SGCZ: variants seen among roughly 807,000 people sequenced by gnomAD.
The protein encoded by SGCZ is zeta-sarcoglycan.
Under a neutral mutation model 41.3 loss-of-function variants are expected in SGCZ, and 40 were observed. The ratio of observed to expected loss-of-function variants is 0.97; its 90% CI spans 0.75 to 1.26. The LOEUF is 1.26. Among genes scored for constraint, SGCZ ranks in the 50% most tolerant of loss-of-function variants. The probability of loss-of-function intolerance (pLI) is 0.00; values close to 1 mark genes in which losing one functional copy is unlikely to be tolerated. For missense variants in SGCZ, 552 were observed against 369.8 expected (o/e 1.49, Z -4.04); for synonymous variants, 206 against 137.5 (o/e 1.50, Z -3.49).
chr8:14,596,776 A>G lies in SGCZ; in HGVS notation c.40-41850T>C, dbSNP rs182187175. On this transcript the variant is annotated intron_variant, in intron 1 of 7. Coordinates refer to ENST00000382080, the MANE Select transcript of SGCZ (RefSeq NM_139167.4). ...CAGGTGCAGCAAACCACCATGGCAC[A>G]TGTATACCTATGTAACAAACCTGCA... Among the ~76,000 whole-genome samples the G allele has an allele frequency of 1.5e-4, 23 of 152,320 alleles. No individual in the cohort carries two copies. In the East Asian group the frequency reaches 4.2e-3, roughly 28 times the overall value.
At position 14,578,932 on chromosome 8, in the gene SGCZ, C is replaced by A. The variant is rs146935613; in HGVS notation, c.40-24006G>T. The stretch of plus-strand genomic sequence containing the variant: ...TTGTATGGATCACTCTTTTCCTACT[C>A]TTCTGTCGTTTACTTTAGGATCTAG... On this transcript the variant is annotated intron_variant, in intron 1 of 7. Coordinates refer to ENST00000382080, the MANE Select transcript of SGCZ (RefSeq NM_139167.4). Among the ~76,000 whole-genome samples, 423 of 152,172 alleles carry A rather than the reference C, an allele frequency of 2.8e-3. 3 individuals are homozygous for A. The highest frequency in any genetic ancestry group is 9.8e-3 in the African/African-American group (408 of 41,530).
intron 2 of SGCZ, among the ~76,000 whole-genome samples, chr8:14,325,091 G>C (rs1244711620): frequency 6.6e-6 from 1 of 152,130 alleles, no homozygotes; most frequent in Non-Finnish European, 1.5e-5. Flanking sequence ...ATGTACTTAA[G>C]TCAGATTCCA....
At chr8:14,495,099 G>T (rs77378117) in intron 2 of SGCZ, among the ~76,000 whole-genome samples, 1 of 152,044 alleles carries the variant, frequency 6.6e-6, no homozygotes, top group Non-Finnish European at 1.5e-5. Flanking sequence ...GGATTGTTTC[G>T]TACCTCTCAA....
chr8:14,139,371 C>CA (rs1189957310), intron 5 of SGCZ, among the ~76,000 whole-genome samples: 6 of 150,986 alleles, frequency 4.0e-5, no homozygotes, highest in Non-Finnish European at 7.4e-5. Context: ...GATAGACACA[C>CA]AAAAAACCCT....
chr8:14,928,824 T>C (rs530739576), intron 1 of SGCZ, among the ~76,000 whole-genome samples: 2 of 152,202 alleles, frequency 1.3e-5, no homozygotes, highest in African/African-American at 4.8e-5. Context: ...TAATTTAGTA[T>C]GCAGACAAAA....
chr8:14,944,897 C>A (rs533014179), intron 1 of SGCZ, among the ~76,000 whole-genome samples: 52 of 152,114 alleles, frequency 3.4e-4, no homozygotes, highest in Non-Finnish European at 5.7e-4. Context: ...TAAATCTCCA[C>A]ATTATAACAC....
chr8:14,837,540 T>TATG (rs1281899186), intron 1 of SGCZ, among the ~76,000 whole-genome samples: 1 of 152,158 alleles, frequency 6.6e-6, no homozygotes, highest in African/African-American at 2.4e-5. Context: ...CAAGTTTCTA[T>TATG]ATGTACAATG....
At chr8:14,675,303 C>A (rs1315739932) in intron 1 of SGCZ, among the ~76,000 whole-genome samples, 4 of 151,608 alleles carry the variant, frequency 2.6e-5, no homozygotes, top group Admixed American at 6.6e-5. Context: ...AAGAACAGAA[C>A]AATACAGTAG....
intron 1 of SGCZ, among the ~76,000 whole-genome samples, chr8:14,818,186 T>A (rs907903620): frequency 6.6e-6 from 1 of 152,100 alleles, no homozygotes; most frequent in Non-Finnish European, 1.5e-5. Flanking sequence ...TGAGCTCAGC[T>A]TAACAGCCAG....
chr8:14,380,614 G>A (rs1804325715), intron 2 of SGCZ, among the ~76,000 whole-genome samples: 1 of 152,186 alleles, frequency 6.6e-6, no homozygotes, highest in East Asian at 1.9e-4. Context: ...AGTACTTTGG[G>A]AGGCCAAGGC....
intron 2 of SGCZ, among the ~76,000 whole-genome samples, chr8:14,414,385 TC>T (rs1275289129): frequency 4.6e-5 from 7 of 151,872 alleles, no homozygotes; most frequent in African/African-American, 1.7e-4. Context: ...GCATAGGAAC[TC>T]CCTGGAGAGT....
chr8:14,621,658 T>C (rs1806290460), intron 1 of SGCZ, among the ~76,000 whole-genome samples: 1 of 151,960 alleles, frequency 6.6e-6, no homozygotes, highest in Non-Finnish European at 1.5e-5. Context: ...AGCAAGAGAC[T>C]GAGAGAGAGT....
At chr8:14,392,679 T>C (rs1804817665) in intron 2 of SGCZ, among the ~76,000 whole-genome samples, 1 of 152,178 alleles carries the variant, frequency 6.6e-6, no homozygotes, top group South Asian at 2.1e-4. Context: ...ATGAATACTA[T>C]ATCCATATAA....
rs564488440 is a variant in SGCZ, at chr8:14,278,276, C to A, written c.337-40597G>T. On this transcript the variant is annotated intron_variant, in intron 3 of 7. Transcript: ENST00000382080. ...TTTGAGTGTCACATTTGTGAGACCTCTATGACCACGTGCACATAAATAAAT... is the reference window on the plus strand; with the variant it reads ...TTTGAGTGTCACATTTGTGAGACCTATATGACCACGTGCACATAAATAAAT... Among the ~76,000 whole-genome samples, 311 of 152,274 alleles carry A rather than the reference C, an allele frequency of 2.0e-3. 6 individuals carry two copies. Among genetic ancestry groups the A allele is most frequent in the Non-Finnish European group, 2.1e-3 (140 of 68,018 alleles).
chr8:14,462,732 T>A (rs1585548177), intron 2 of SGCZ, among the ~76,000 whole-genome samples: 2 of 151,744 alleles, frequency 1.3e-5, no homozygotes, highest in East Asian at 3.9e-4. Context: ...AATTTTAGGA[T>A]TTTGTTTTCT....
intron 4 of SGCZ, among the ~76,000 whole-genome samples, chr8:14,230,875 G>A (rs1179937460): frequency 6.6e-6 from 1 of 151,568 alleles, no homozygotes; most frequent in Non-Finnish European, 1.5e-5. Flanking sequence ...TGTGAAACAC[G>A]AAAGAGTATC....
At chr8:15,088,949 G>A (rs1001313914) in intron 1 of SGCZ, among the ~76,000 whole-genome samples, 6 of 152,202 alleles carry the variant, frequency 3.9e-5, no homozygotes, top group East Asian at 3.9e-4. Context: ...ATTTAATGAC[G>A]TCACGTAGTC....
chr8:14,896,137 G>A (rs1805190410), intron 1 of SGCZ, among the ~76,000 whole-genome samples: 1 of 152,154 alleles, frequency 6.6e-6, no homozygotes, highest in Non-Finnish European at 1.5e-5. Context: ...AAACTGCTAT[G>A]GGTAGGTGAG....
chr8:14,715,343 G>T (rs1388762297), intron 1 of SGCZ, among the ~76,000 whole-genome samples: 1 of 152,092 alleles, frequency 6.6e-6, no homozygotes, highest in Admixed American at 6.6e-5. Flanking sequence ...GCACAGATAA[G>T]CTGATGAAAG....
Sources: allele counts gnomAD v4.1 joint callset (sites outside exome capture counted in the v4.1 genomes callset), GRCh38; gene constraint gnomAD v4.1.1; transcripts MANE v1.5; gene names NCBI Gene and HGNC (gene_info 2026-07-23, HGNC 2026-07-21).